The following GCLC variants were observed in gnomAD, a reference collection of about 807,000 sequenced individuals.
GCLC encodes glutamate--cysteine ligase catalytic subunit.
Under a neutral mutation model 81.5 loss-of-function variants are expected in GCLC, and 30 were observed. The observed-to-expected ratio is 0.37, with a 90% CI of 0.28 to 0.50. GCLC has a LOEUF of 0.50. Ranked by LOEUF, GCLC falls within the 20% of genes least tolerant of loss-of-function variation. The probability of loss-of-function intolerance (pLI) is 0.96; values close to 1 mark genes in which losing one functional copy is unlikely to be tolerated. For synonymous variants in GCLC, 262 were observed against 273.3 expected (o/e 0.96, Z 0.41); for missense variants, 556 against 777.4 (o/e 0.72, Z 3.39).
At chr6:53,536,304 C>T (rs1314896078) in intron 1 of GCLC, among the ~76,000 whole-genome samples, 1 of 151,644 alleles carries the variant, frequency 6.6e-6, no homozygotes, top group East Asian at 1.9e-4. Flanking sequence ...CATGGGATGG[C>T]CAGAGGAAGA....
chr6:53,511,189 GA>G (rs1289044756), intron 6 of GCLC, among the ~76,000 whole-genome samples: 7 of 93,332 alleles, frequency 7.5e-5, no homozygotes, highest in East Asian at 3.8e-4. Flanking sequence ...GAGAATCTTG[GA>G]AAAAAAAAAG....
At chr6:53,544,372 C>A (rs934853197) in intron 1 of GCLC, 124 bp downstream of exon 1, 3 of 983,460 alleles carry the variant, frequency 3.1e-6, no homozygotes, top group African/African-American at 3.2e-5. Context: ...GGGAGGCGCT[C>A]GAGGACCCCC....
intron 15 of GCLC, among the ~76,000 whole-genome samples, chr6:53,499,497 G>A (rs971990554): frequency 9.9e-5 from 15 of 152,174 alleles, no homozygotes; most frequent in Non-Finnish European, 1.8e-4. Flanking sequence ...GTTTACAGAA[G>A]CCTTGAGTTA....
At chr6:53,531,243 C>T (rs1763166555) in intron 1 of GCLC, among the ~76,000 whole-genome samples, 2 of 152,064 alleles carry the variant, frequency 1.3e-5, no homozygotes, top group Admixed American at 6.6e-5. Flanking sequence ...CCTTTGTGGG[C>T]CATGATGAGT....
intron 1 of GCLC, among the ~76,000 whole-genome samples, chr6:53,525,353 A>G (rs1490803988): frequency 6.6e-6 from 1 of 152,248 alleles, no homozygotes; most frequent in Non-Finnish European, 1.5e-5. Flanking sequence ...ACTAGAGCTG[A>G]AATGGGGTTT....
At chr6:53,522,576 T>G (rs1763017341) in intron 1 of GCLC, 49 bp from the exon 2 acceptor site, 8 of 1,172,406 alleles carry the variant, frequency 6.8e-6, no homozygotes, top group Non-Finnish European at 1.0e-5. Flanking sequence ...AGACTTGTTT[T>G]CAGTGTGGCC....
chr6:53,511,232 G>A (rs1010100693), intron 6 of GCLC, among the ~76,000 whole-genome samples: 8 of 150,518 alleles, frequency 5.3e-5, no homozygotes, highest in Non-Finnish European at 7.4e-5. Flanking sequence ...GATGACATGC[G>A]GTCAAAGGTA....
intron 4 of GCLC, 68 bp downstream of exon 4, chr6:53,516,041 A>G (rs1245187578): frequency 2.1e-6 from 2 of 934,398 alleles, no homozygotes; most frequent in Non-Finnish European, 3.5e-6. Flanking sequence ...CTAGACAGAA[A>G]TACTATACTC....
chr6:53,527,802 G>A (rs1192387569), intron 1 of GCLC, among the ~76,000 whole-genome samples: 1 of 152,244 alleles, frequency 6.6e-6, no homozygotes, highest in East Asian at 1.9e-4. Context: ...AAAGGTGAGG[G>A]TCTAGGGATC....
At chr6:53,502,927 T>C (rs1374700439) in intron 12 of GCLC, among the ~76,000 whole-genome samples, 1 of 152,250 alleles carries the variant, frequency 6.6e-6, no homozygotes, top group East Asian at 1.9e-4. Flanking sequence ...GTTTCTATAC[T>C]ATTAATAGTT....
intron 8 of GCLC, 150 bp downstream of exon 8, chr6:53,508,445 A>T (rs1341277484): frequency 8.4e-6 from 6 of 710,114 alleles, no homozygotes; most frequent in Non-Finnish European, 1.3e-5. Context: ...ACATCAACAT[A>T]CGATAAAAAT....
At chr6:53,519,935 G>T (rs569609938) in intron 3 of GCLC, among the ~76,000 whole-genome samples, 6 of 152,146 alleles carry the variant, frequency 3.9e-5, no homozygotes, top group African/African-American at 9.6e-5. Context: ...ACCCTGAATG[G>T]CTGACGGACA....
chr6:53,506,840 G>C lies in GCLC; in HGVS notation c.1197+73C>G. On this transcript the variant is annotated intron_variant, in intron 10 of 15. Transcript: ENST00000650454. This position sits in a 1 kb window ranked among gnomAD's most constrained non-coding sequence, Gnocchi z 4.0. ...CCCATGTTGGTTTGTGAAGTGAAAT[G>C]CATATAAAACAGAGGATTCCAGACT... 1.2e-6 allele frequency: 1 copy of C among 808,676 alleles called. No homozygotes were observed. The highest frequency in any genetic ancestry group is 2.1e-6 in the Non-Finnish European group (1 of 465,420). The allele number at this position is 808,676 out of a possible 1,614,324, so 50.1% of individuals were successfully genotyped here. A position where few individuals can be genotyped will look rare whatever the true frequency, so the allele number is the denominator to read the frequency against.
intron 15 of GCLC, among the ~76,000 whole-genome samples, chr6:53,499,259 G>A (rs1450737718): frequency 1.3e-5 from 2 of 152,158 alleles, no homozygotes; most frequent in East Asian, 1.9e-4. Flanking sequence ...ACAGGAGCCA[G>A]CACATGTGTA....
Position 53,516,107 on chromosome 6 carries a change from A to C in GCLC, c.560+2T>G. The C allele has an allele frequency of 6.4e-7, 1 of 1,555,218 alleles. No homozygotes were observed. Among genetic ancestry groups the C allele is most frequent in the Non-Finnish European group, 8.9e-7 (1 of 1,126,472 alleles). On this transcript the variant is annotated splice_donor_variant, in intron 4 of 15. Transcript: ENST00000650454. LOFTEE classifies it high-confidence loss of function. ...TGCATTTCAACACAAAGCCATACTCACCTGAAGCGAGGGTGCTTGTTTATT... is the reference window on the plus strand; with the variant it reads ...TGCATTTCAACACAAAGCCATACTCCCCTGAAGCGAGGGTGCTTGTTTATT...
Position 53,544,565 on chromosome 6 carries a change from G to A in GCLC, c.81C>T (p.Ile27=), listed in dbSNP as rs767322472. 4.9e-5 allele frequency: 78 copies of A among 1,607,632 alleles called. No homozygotes were observed. The highest frequency in any genetic ancestry group is 6.2e-5 in the Non-Finnish European group (73 of 1,179,636). Residue 27 remains isoleucine, a synonymous_variant, in exon 1 of 16, where the codon ATC becomes ATT. Transcript: ENST00000650454. The stretch of plus-strand genomic sequence containing the variant: ...CGTGGTAGATGTGCAGGAACTGGAG[G>A]ATCCCGTGCCGCCGCACGTGGTCGG... The part of the protein sequence containing the change: ...RHADHVRRHG[I]LQFLHIYHAV...
Position 53,498,453 on chromosome 6 carries a change from A to G in GCLC, c.*303T>C. 2.9e-6 allele frequency: 1 copy of G among 339,228 alleles called. No individual in the cohort carries two copies. Among genetic ancestry groups the G allele is most frequent in the Non-Finnish European group, 5.4e-6 (1 of 183,726 alleles). The allele number at this position is 339,228 out of a possible 1,614,324, so 21.0% of individuals were successfully genotyped here. A position where few individuals can be genotyped will look rare whatever the true frequency, so the allele number is the denominator to read the frequency against. On this transcript the variant is annotated 3_prime_UTR_variant, in exon 16 of 16. Transcript: ENST00000650454. ...GTATTGTACAATTACCAGTACATTT[A>G]CAAAACTGCTTAGACAGTAGGTTGC... is the stretch of plus-strand genomic sequence containing the variant.
chr6:53,539,061 G>GA (rs764377115), intron 1 of GCLC, among the ~76,000 whole-genome samples: 6 of 152,152 alleles, frequency 3.9e-5, no homozygotes, highest in Non-Finnish European at 7.4e-5. Flanking sequence ...GGAGTCATCA[G>GA]AAAAAATCAA....
rs1464659777 is a variant in GCLC at position 53,498,600 on chromosome 6, T to C, written c.*156A>G. The stretch of plus-strand genomic sequence containing the variant: ...ATGTACACTGTATAAACTCTAGATT[T>C]ACCTACCAAAGAAAGCCTTAATCAA... On this transcript the variant is annotated 3_prime_UTR_variant, in exon 16 of 16. Coordinates refer to ENST00000650454, the MANE Select transcript of GCLC (RefSeq NM_001498.4). The C allele has an allele frequency of 1.5e-6, 1 of 674,088 alleles. No individual in the cohort carries two copies. Among genetic ancestry groups the C allele is most frequent in the Admixed American group, 2.2e-5 (1 of 45,510 alleles). The allele number at this position is 674,088 out of a possible 1,614,324, so 41.8% of individuals were successfully genotyped here. A position where few individuals can be genotyped will look rare whatever the true frequency, so the allele number is the denominator to read the frequency against.
Sources: gnomAD v4.1 joint callset for allele counts (sites outside exome capture counted in the v4.1 genomes callset) on GRCh38, gnomAD v4.1.1 for gene constraint, Gnocchi (gnomAD v3.1) non-coding constraint, MANE v1.5 for transcripts, NCBI Gene and HGNC (gene_info 2026-07-23, HGNC 2026-07-21) for gene names.